The following NUP35 variants were observed in gnomAD, a reference collection of about 807,000 sequenced individuals.
NUP35 encodes nucleoporin NUP35.
A neutral mutation model predicts 41.5 loss-of-function variants in NUP35; 25 were observed. The ratio of observed to expected loss-of-function variants is 0.60; its 90% confidence interval spans 0.44 to 0.84. The LOEUF (loss-of-function observed/expected upper bound fraction) is 0.84. Among genes scored for constraint, NUP35 ranks in the 40% least tolerant of loss-of-function variants. NUP35 has a pLI of 0.00. For missense variants in NUP35, 396 were observed against 396.6 expected, an observed-to-expected ratio of 1.00 and a Z score of 0.01; for synonymous variants, 149 against 130.7, an observed-to-expected ratio of 1.14 and a Z score of -0.96.
intron 6 of NUP35, among the ~76,000 whole-genome samples, 186 bp downstream of exon 6, chr2:183,157,699 G>A (rs1460476471): frequency 6.6e-6 from 1 of 151,980 alleles, no homozygotes; most frequent in Non-Finnish European, 1.5e-5. Flanking sequence ...AAGAGATATA[G>A]TGAGAAGATA....
intron 5 of NUP35, among the ~76,000 whole-genome samples, chr2:183,156,960 A>C (rs1685685293): frequency 6.6e-6 from 1 of 152,134 alleles, no homozygotes; most frequent in Non-Finnish European, 1.5e-5. Flanking sequence ...CTATACCATA[A>C]ATATTTTGAT....
At chr2:183,123,058 G>A (rs2105527839), upstream of NUP35, among the ~76,000 whole-genome samples, 2 of 152,306 alleles carry the variant, frequency 1.3e-5, no homozygotes, top group East Asian at 1.9e-4. Context: ...GACCAAAGAT[G>A]CTACATCGTT....
chr2:183,153,580 TC>T (rs573862640), intron 5 of NUP35, among the ~76,000 whole-genome samples: 48 of 152,332 alleles, frequency 3.2e-4, no homozygotes, highest in African/African-American at 1.1e-3. Context: ...TCCTTTGACT[TC>T]CTGGTCTCAC....
intron 5 of NUP35, among the ~76,000 whole-genome samples, chr2:183,154,224 G>A (rs1303526602): frequency 6.6e-6 from 1 of 152,194 alleles, no homozygotes; most frequent in Admixed American, 6.5e-5. Flanking sequence ...GCTCTGACAT[G>A]CCCTAGAGAC....
upstream of NUP35, chr2:183,120,140 A>G (rs1700045718): frequency 6.6e-6 from 1 of 152,276 alleles, no homozygotes; most frequent in African/African-American, 2.4e-5. Flanking sequence ...CAGCTGGGTA[A>G]TGTGTATGAA....
chr2:183,155,579 C>CTTTTTTTTTTTTT (rs11393018), intron 5 of NUP35, among the ~76,000 whole-genome samples: 1 of 139,800 alleles, frequency 7.2e-6, no homozygotes, highest in Non-Finnish European at 1.5e-5. Flanking sequence ...CATAAAATGG[C>CTTTTTTTTTTTTT]TTTTTTTTTT....
At chr2:183,117,865 A>G (rs1700009900) in intron 1 of NUP35, among the ~76,000 whole-genome samples, 1 of 152,336 alleles carries the variant, frequency 6.6e-6, no homozygotes, top group East Asian at 1.9e-4. Flanking sequence ...GAGATTTTAC[A>G]TATTTCTGAC....
At chr2:183,119,733 G>A (rs535783883), upstream of NUP35, among the ~76,000 whole-genome samples, 20 of 152,104 alleles carry the variant, frequency 1.3e-4, no homozygotes, top group Non-Finnish European at 2.1e-4. Flanking sequence ...GGCCTAGGCT[G>A]GAGTTCAGTA....
rs1364287070 is a variant in NUP35, at chr2:183,159,550, A to C, written c.801A>C (p.Pro267=). The change falls in exon 8 of 9, where the codon CCA becomes CCC. Residue 267 remains proline (P), a synonymous_variant. Transcript: ENST00000295119. ...LSSPSLAFTP[P]IKTLGTPTQP... is the part of the protein sequence containing the mutation. The stretch of plus-strand genomic sequence containing the variant: ...CTCCATCTTTAGCCTTTACACCACC[A>C]ATCAAAACTCTAGGTACACCAACAC... 2.5e-6 allele frequency: 4 copies of C among 1,613,720 alleles called. No individual in the cohort carries two copies. Among genetic ancestry groups the C allele is most frequent in the Non-Finnish European group, 3.4e-6 (4 of 1,179,770 alleles).
At chr2:183,161,027 G>T (rs778279669) in intron 8 of NUP35, 27 bp from the exon 9 acceptor site, 3 of 1,566,804 alleles carry the variant, frequency 1.9e-6, no homozygotes, top group Admixed American at 1.7e-5. Context: ...TAACCTAACC[G>T]TTTTTTTTGT....
chr2:183,141,864 G>A (rs922184925), intron 4 of NUP35, among the ~76,000 whole-genome samples: 8 of 152,132 alleles, frequency 5.3e-5, no homozygotes, highest in Admixed American at 3.3e-4. Context: ...TTGTAGTGTT[G>A]AGTTCTTTTT....
At chr2:183,137,863 A>G (rs1684934407) in intron 4 of NUP35, among the ~76,000 whole-genome samples, 1 of 152,146 alleles carries the variant, frequency 6.6e-6, no homozygotes, top group South Asian at 2.1e-4. Context: ...TTGACTGAAA[A>G]GCATACATTT....
chr2:183,146,337 A>G, intron 4 of NUP35, among the ~76,000 whole-genome samples: 1 of 152,206 alleles, frequency 6.6e-6, no homozygotes, highest in South Asian at 2.1e-4. Context: ...AACTAATCTA[A>G]TTTAACCTAT....
intron 4 of NUP35, among the ~76,000 whole-genome samples, chr2:183,143,182 C>A (rs1234711415): frequency 6.7e-6 from 1 of 149,342 alleles, no homozygotes; most frequent in African/African-American, 2.5e-5. Flanking sequence ...AAAAGAAATA[C>A]AGCATTCTGT....
In NUP35 at chr2:183,124,486, G is replaced by A. The variant is rs1255415170; in HGVS notation, c.29G>A (p.Gly10Glu). Residue 10 changes from glycine to glutamate, a missense_variant, in exon 1 of 9, where the codon GGG (glycine) becomes GAG (glutamate). Gly to Glu is a moderately conservative substitution (Grantham distance 98, BLOSUM62 -2). Coordinates refer to ENST00000295119, the MANE Select transcript of NUP35 (RefSeq NM_138285.5). MAAFAVEPQ[G>E]PALGSEPMML... ...GCAGCCTTTGCAGTGGAACCTCAGG[G>A]GCCCGCGTTAGGTGAGTGAAATATT... 6.2e-7 allele frequency: 1 copy of A among 1,614,150 alleles called. No individual in the cohort carries two copies. Among genetic ancestry groups the A allele is most frequent in the Non-Finnish European group, 8.5e-7 (1 of 1,180,008 alleles).
intron 1 of NUP35, chr2:183,118,948 G>A (rs559727651): frequency 6.6e-6 from 1 of 152,154 alleles, no homozygotes; most frequent in South Asian, 2.1e-4. Flanking sequence ...AGGTAAGCAT[G>A]CGCAATGTGT....
intron 4 of NUP35, among the ~76,000 whole-genome samples, chr2:183,144,529 A>C (rs1410957307): frequency 6.6e-6 from 1 of 152,162 alleles, no homozygotes; most frequent in African/African-American, 2.4e-5. Flanking sequence ...CATTTAGGTT[A>C]GTGGTCTATT....
chr2:183,143,293 T>TTTC (rs11462061), intron 4 of NUP35, among the ~76,000 whole-genome samples: 21 of 150,832 alleles, frequency 1.4e-4, no homozygotes, highest in East Asian at 1.4e-3. Flanking sequence ...TTTTTTTTTT[T>TTTC]ACCCCTCTAT....
chr2:183,142,958 C>A (rs901774626), intron 4 of NUP35, among the ~76,000 whole-genome samples: 4 of 151,588 alleles, frequency 2.6e-5, no homozygotes, highest in African/African-American at 9.7e-5. Flanking sequence ...AGATCGAGAC[C>A]GTCCTAGCTA....
Sources: allele counts gnomAD v4.1 joint callset (sites outside exome capture counted in the v4.1 genomes callset), GRCh38; gene constraint gnomAD v4.1.1; transcripts MANE v1.5; gene names NCBI Gene and HGNC (gene_info 2026-07-23, HGNC 2026-07-21).